The following CUL3 variants were observed in gnomAD, a reference collection of about 807,000 sequenced individuals.
The protein encoded by CUL3 is cullin-3.
A neutral mutation model predicts 89.1 loss-of-function variants in CUL3; 19 were observed. The observed-to-expected ratio is 0.21, with a 90% CI of 0.15 to 0.31. CUL3 has a LOEUF of 0.31. CUL3 is among the 10% of genes least tolerant of loss of function. The pLI is 1.00. For missense variants in CUL3, 469 were observed against 942.3 expected, an observed-to-expected ratio of 0.50 and a Z score of 6.58; for synonymous variants, 351 against 308.4, an observed-to-expected ratio of 1.14 and a Z score of -1.45.
chr2:224,573,100 C>T (rs185355610), intron 1 of CUL3, among the ~76,000 whole-genome samples: 283 of 152,236 alleles, frequency 1.9e-3, no homozygotes, highest in Non-Finnish European at 2.9e-3. Flanking sequence ...GTTGCATTTG[C>T]GTACACCAAA....
At chr2:224,552,174 T>G (rs1045854505) in intron 2 of CUL3, among the ~76,000 whole-genome samples, 1 of 152,232 alleles carries the variant, frequency 6.6e-6, no homozygotes, top group Non-Finnish European at 1.5e-5. Flanking sequence ...ATATATATTC[T>G]AAACGTCTTT....
At chr2:224,484,104 G>C (rs553994058) in intron 13 of CUL3, among the ~76,000 whole-genome samples, 1 of 152,156 alleles carries the variant, frequency 6.6e-6, no homozygotes, top group East Asian at 1.9e-4. Flanking sequence ...CTGGGAGGTC[G>C]AGGTTATAGT....
At chr2:224,550,443 A>T (rs1047580732) in intron 2 of CUL3, among the ~76,000 whole-genome samples, 1 of 152,168 alleles carries the variant, frequency 6.6e-6, no homozygotes, top group African/African-American at 2.4e-5. Flanking sequence ...TGGATTAGGG[A>T]TGTTCAACCT....
At chr2:224,518,847 T>C (rs746705209) in intron 3 of CUL3, among the ~76,000 whole-genome samples, 3 of 152,230 alleles carry the variant, frequency 2.0e-5, no homozygotes, top group Non-Finnish European at 4.4e-5. Context: ...GGATTTCCCC[T>C]GTCCCAACTT....
At chr2:224,560,105 A>G (rs1694857674) in intron 1 of CUL3, among the ~76,000 whole-genome samples, 3 of 152,078 alleles carry the variant, frequency 2.0e-5, no homozygotes, top group Non-Finnish European at 2.9e-5. Flanking sequence ...GAAAAAAAAG[A>G]AACAAATTCC....
chr2:224,538,254 T>C (rs1016282525), intron 2 of CUL3, among the ~76,000 whole-genome samples: 1 of 152,226 alleles, frequency 6.6e-6, no homozygotes, highest in African/African-American at 2.4e-5. Context: ...CAAAAAATTT[T>C]TCCTCCAACA....
chr2:224,472,987 AAC>A lies in CUL3; in HGVS notation c.*1256_*1257del, dbSNP rs1443909617. The A allele has an allele frequency of 1.5e-5, 3 of 203,028 alleles. No homozygotes were observed. Among genetic ancestry groups the A allele is most frequent in the South Asian group, 1.9e-4 (1 of 5,256 alleles). 12.6% of individuals were successfully genotyped at this position (203,028 alleles called of 1,614,324 possible). A position where few individuals can be genotyped will look rare whatever the true frequency, so the allele number is the denominator to read the frequency against. On this transcript the variant is annotated 3_prime_UTR_variant, in exon 16 of 16. Coordinates refer to ENST00000264414, the MANE Select transcript of CUL3 (RefSeq NM_003590.5). ...ACATTGTCTTATGAAAACAAAATGA[AAC>A]AAAATTAAATAAAATTGAAGATAAA...
At chr2:224,518,746 T>G (rs1693156828) in intron 3 of CUL3, among the ~76,000 whole-genome samples, 1 of 152,098 alleles carries the variant, frequency 6.6e-6, no homozygotes, top group Non-Finnish European at 1.5e-5. Context: ...ATGAAAATCC[T>G]CTCACCAAAA....
chr2:224,490,327 T>C (rs879628629), intron 13 of CUL3, among the ~76,000 whole-genome samples: 9 of 152,014 alleles, frequency 5.9e-5, no homozygotes, highest in Non-Finnish European at 1.2e-4. Flanking sequence ...TCTAACCCCC[T>C]CTCTCTCTGC....
At position 224,500,217 on chromosome 2, in the gene CUL3, C is replaced by A; in HGVS notation, c.1610+146G>T. 3 of 878,430 alleles carry A rather than the reference C, an allele frequency of 3.4e-6. No individual in the cohort carries two copies. The East Asian group carries it at 7.9e-5, about 23-fold the overall frequency. 54.4% of individuals were successfully genotyped at this position (878,430 alleles called of 1,614,324 possible). On this transcript the variant is annotated intron_variant, in intron 11 of 15. Transcript: ENST00000264414. ...CAAGATCCTATAGAGGGGGAAATTG[C>A]TGTATGCCAGGATAAATGCTCCTTT... is the stretch of plus-strand genomic sequence containing the variant.
chr2:224,572,500 T>C (rs547912556), intron 1 of CUL3, among the ~76,000 whole-genome samples: 2 of 149,586 alleles, frequency 1.3e-5, no homozygotes, highest in East Asian at 3.9e-4. Context: ...AAAAAAAAAT[T>C]GCTGCTGACC....
chr2:224,525,770 T>C (rs1446816239), intron 3 of CUL3, among the ~76,000 whole-genome samples: 9 of 152,256 alleles, frequency 5.9e-5, no homozygotes, highest in Admixed American at 5.2e-4. Context: ...GAAGAGTTCC[T>C]AAAGAAACTG....
chr2:224,582,914 CAA>C (rs894130255), intron 1 of CUL3, among the ~76,000 whole-genome samples: 1 of 152,166 alleles, frequency 6.6e-6, no homozygotes, highest in Non-Finnish European at 1.5e-5. Flanking sequence ...CTGAAGAGGT[CAA>C]AGAGTTTAAT....
intron 9 of CUL3, 104 bp from the exon 10 acceptor site, chr2:224,503,176 C>G (rs1388814141): frequency 1.4e-5 from 11 of 799,176 alleles, no homozygotes; most frequent in African/African-American, 1.4e-4. Context: ...CCCTGATAAT[C>G]TTCCTGTAAA....
chr2:224,492,945 A>G lies in CUL3; in HGVS notation c.1842+2887T>C, dbSNP rs1394911011. Among the ~76,000 whole-genome samples the G allele has an allele frequency of 2.6e-5, 4 of 152,180 alleles. No homozygotes were observed. In the East Asian group the frequency reaches 7.7e-4, roughly 29 times the overall value. On this transcript the variant is annotated intron_variant, in intron 13 of 15. Transcript: ENST00000264414. ...TTTGAGGACAAAGAGCCACATGAAA[A>G]GGCCCATGTGCAGAGAAACTAAGGC...
rs901019175 is a variant in CUL3, at chr2:224,485,808, C to T, written c.1843-3730G>A. On this transcript the variant is annotated intron_variant, in intron 13 of 15. Transcript: ENST00000264414. This position sits in a 1 kb window ranked among gnomAD's most constrained non-coding sequence, Gnocchi z 4.1. The stretch of plus-strand genomic sequence containing the variant: ...GTGGGTCCGTGTCCCCCATGCCTCC[C>T]TGACAGGAGACACCTCCCAGCAGGG... 6.6e-6 allele frequency among the ~76,000 whole-genome samples: 1 copy of T among 152,216 alleles called. No homozygotes were observed. The highest frequency in any genetic ancestry group is 1.5e-5 in the Non-Finnish European group (1 of 68,024).
At chr2:224,547,846 T>TG (rs1232093760) in intron 2 of CUL3, among the ~76,000 whole-genome samples, 2 of 152,130 alleles carry the variant, frequency 1.3e-5, no homozygotes, top group East Asian at 1.9e-4. Flanking sequence ...TCTGTTTAAT[T>TG]GACATAAAGA....
intron 11 of CUL3, chr2:224,500,106 C>T: frequency 3.1e-6 from 1 of 326,498 alleles, no homozygotes; most frequent in Non-Finnish European, 5.8e-6. Flanking sequence ...TCCATTTTTA[C>T]TGCTGCTCTA....
At chr2:224,522,403 A>C (rs1347911924) in intron 3 of CUL3, among the ~76,000 whole-genome samples, 1 of 133,808 alleles carries the variant, frequency 7.5e-6, no homozygotes, top group African/African-American at 2.5e-5. Context: ...CTACACTTCT[A>C]AAACAGCACC....
Sources: allele counts gnomAD v4.1 joint callset (sites outside exome capture counted in the v4.1 genomes callset), GRCh38; gene constraint gnomAD v4.1.1; non-coding constraint Gnocchi (gnomAD v3.1); transcripts MANE v1.5; gene names NCBI Gene and HGNC (gene_info 2026-07-23, HGNC 2026-07-21).